TRDN: variants seen among roughly 807,000 people sequenced by gnomAD.
TRDN encodes the protein triadin in skeletal muscle.
A neutral mutation model predicts 149.7 loss-of-function variants in TRDN; 161 were observed. The ratio of observed to expected loss-of-function variants is 1.08; its 90% CI spans 0.95 to 1.23. The LOEUF is 1.23. TRDN is among the 50% of genes most tolerant of loss of function. The probability of loss-of-function intolerance (pLI) is 0.00; values close to 1 mark genes in which losing one functional copy is unlikely to be tolerated. For synonymous variants in TRDN, 294 were observed against 250.5 expected (o/e 1.17, Z -1.64); for missense variants, 896 against 823.5 (o/e 1.09, Z -1.08).
At position 123,216,955 on chromosome 6, in the gene TRDN, G is replaced by A. The variant is rs956581520; in HGVS notation, c.*1646C>T. The A allele has an allele frequency of 1.3e-5, 2 of 151,954 alleles. No individual in the cohort carries two copies. Among genetic ancestry groups the A allele is most frequent in the Non-Finnish European group, 2.9e-5 (2 of 67,966 alleles). The allele number at this position is 151,954 out of a possible 1,614,324, so 9.4% of individuals were successfully genotyped here. A position where few individuals can be genotyped will look rare whatever the true frequency, so the allele number is the denominator to read the frequency against. On this transcript the variant is annotated 3_prime_UTR_variant, in exon 41 of 41. Coordinates refer to ENST00000334268, the MANE Select transcript of TRDN (RefSeq NM_006073.4). ...CTTTACTCAGTAAATTCAGCAGGCTGGAGGAGCAGTTGAGCAATAAACTTT... is the reference window on the plus strand; with the variant it reads ...CTTTACTCAGTAAATTCAGCAGGCTAGAGGAGCAGTTGAGCAATAAACTTT...
At chr6:123,483,080 T>TATTATC (rs1777825899) in intron 9 of TRDN, among the ~76,000 whole-genome samples, 1 of 141,554 alleles carries the variant, frequency 7.1e-6, no homozygotes, top group Non-Finnish European at 1.5e-5. Flanking sequence ...TTATTATTAT[T>TATTATC]ATTATTATTA....
At chr6:123,385,067 C>T (rs750271320) in intron 14 of TRDN, among the ~76,000 whole-genome samples, 19 of 152,096 alleles carry the variant, frequency 1.2e-4, no homozygotes, top group Non-Finnish European at 1.3e-4. Context: ...CTGTTCAATC[C>T]GTCATTCACT....
intron 12 of TRDN, among the ~76,000 whole-genome samples, chr6:123,403,647 A>G (rs2114492391): frequency 6.6e-6 from 1 of 152,288 alleles, no homozygotes; most frequent in South Asian, 2.1e-4. Flanking sequence ...GGAAATCAAA[A>G]TTCCCCTATT....
chr6:123,527,502 AC>A (rs1347189630), intron 5 of TRDN, among the ~76,000 whole-genome samples: 1 of 151,866 alleles, frequency 6.6e-6, no homozygotes, highest in Non-Finnish European at 1.5e-5. Context: ...ACCTATAAAA[AC>A]TTTAATTTGA....
intron 10 of TRDN, chr6:123,457,531 G>A (rs757790077): frequency 4.7e-6 from 2 of 429,436 alleles, no homozygotes; most frequent in East Asian, 7.3e-5. Flanking sequence ...ATAATTCATG[G>A]GGAACTCTCA....
At chr6:123,560,152 G>T (rs1423007277) in intron 2 of TRDN, among the ~76,000 whole-genome samples, 2 of 152,150 alleles carry the variant, frequency 1.3e-5, no homozygotes, top group Non-Finnish European at 2.9e-5. Flanking sequence ...TACTTTTAGA[G>T]ACCCTCAAAA....
At chr6:123,459,140 T>C (rs1776304547) in intron 10 of TRDN, among the ~76,000 whole-genome samples, 1 of 152,202 alleles carries the variant, frequency 6.6e-6, no homozygotes, top group Non-Finnish European at 1.5e-5. Context: ...CTGACTCATA[T>C]ATTCAGTTGT....
intron 10 of TRDN, among the ~76,000 whole-genome samples, chr6:123,449,902 G>C (rs968386376): frequency 5.3e-5 from 8 of 152,146 alleles, no homozygotes; most frequent in African/African-American, 1.7e-4. Flanking sequence ...GAAGGGATTG[G>C]GGCCCTATCT....
intron 1 of TRDN, among the ~76,000 whole-genome samples, chr6:123,613,612 C>T (rs191850740): frequency 5.1e-4 from 77 of 152,000 alleles, no homozygotes; most frequent in Non-Finnish European, 8.4e-4. Context: ...TACAAGACAC[C>T]AGATGATATT....
At chr6:123,446,657 T>A (rs1184773727) in intron 10 of TRDN, among the ~76,000 whole-genome samples, 1 of 136,618 alleles carries the variant, frequency 7.3e-6, no homozygotes, top group Non-Finnish European at 1.5e-5. Context: ...AGGAGGGGAG[T>A]GTTGAGTGCT....
intron 12 of TRDN, among the ~76,000 whole-genome samples, chr6:123,426,692 C>T (rs1774133292): frequency 6.6e-6 from 1 of 152,122 alleles, no homozygotes; most frequent in South Asian, 2.1e-4. Context: ...TGTATTTTAG[C>T]ATTAACTACT....
chr6:123,624,943 C>A (rs368281343), intron 1 of TRDN, among the ~76,000 whole-genome samples: 168 of 152,130 alleles, frequency 1.1e-3, no homozygotes, highest in African/African-American at 3.8e-3. Context: ...CAACAGTGTG[C>A]CTGACCGAAA....
In TRDN at chr6:123,216,350, A is replaced by G. The variant is rs1033003871; in HGVS notation, c.*2251T>C. 2 of 151,982 alleles carry G rather than the reference A, an allele frequency of 1.3e-5. No individual in the cohort carries two copies. Among genetic ancestry groups the G allele is most frequent in the African/African-American group, 4.8e-5 (2 of 41,436 alleles). 9.4% of individuals were successfully genotyped at this position (151,982 alleles called of 1,614,324 possible). On this transcript the variant is annotated 3_prime_UTR_variant, in exon 41 of 41. Coordinates refer to ENST00000334268, the MANE Select transcript of TRDN (RefSeq NM_006073.4). ...GTAAGGCATCAAACTTGGAAGATCT[A>G]TAACTATTTTATTAGACGGTAATAT...
At chr6:123,421,532 A>T (rs1773900917) in intron 12 of TRDN, 1 of 151,976 alleles carries the variant, frequency 6.6e-6, no homozygotes, top group Admixed American at 6.6e-5. Flanking sequence ...TTCATACTCG[A>T]CCTGAACTTT....
chr6:123,448,627 C>G (rs575133321), intron 10 of TRDN, among the ~76,000 whole-genome samples: 1 of 152,068 alleles, frequency 6.6e-6, no homozygotes, highest in Non-Finnish European at 1.5e-5. Context: ...GCCCTGCCCC[C>G]GTTTGATGGT....
At chr6:123,558,997 C>A (rs1017687490) in intron 2 of TRDN, among the ~76,000 whole-genome samples, 1 of 152,236 alleles carries the variant, frequency 6.6e-6, no homozygotes, top group Non-Finnish European at 1.5e-5. Flanking sequence ...GTGCAGGACC[C>A]CACTGGAAAT....
intron 12 of TRDN, among the ~76,000 whole-genome samples, chr6:123,420,375 G>A (rs1313887874): frequency 9.5e-6 from 1 of 105,132 alleles, no homozygotes; most frequent in Non-Finnish European, 1.9e-5. Context: ...TCCTGGCAGA[G>A]ATGCAAGGAT....
intron 24 of TRDN, among the ~76,000 whole-genome samples, chr6:123,295,857 C>A (rs1339979746): frequency 6.6e-6 from 1 of 151,718 alleles, no homozygotes; most frequent in Admixed American, 6.6e-5. Context: ...CCCAGCTACT[C>A]AGGAGACTGA....
At chr6:123,257,852 C>G (rs1025476746) in intron 35 of TRDN, among the ~76,000 whole-genome samples, 6 of 152,060 alleles carry the variant, frequency 3.9e-5, no homozygotes, top group Non-Finnish European at 2.9e-5. Context: ...TCCTTCACAT[C>G]CCTTGTAAGT....
Sources: gnomAD v4.1 joint callset for allele counts (sites outside exome capture counted in the v4.1 genomes callset) on GRCh38, gnomAD v4.1.1 for gene constraint, MANE v1.5 for transcripts, NCBI Gene and HGNC (gene_info 2026-07-23, HGNC 2026-07-21) for gene names.